The following TOX variants were observed in gnomAD, a reference collection of about 807,000 sequenced individuals.
The protein encoded by TOX is thymocyte selection-associated high mobility group box protein TOX.
A neutral mutation model predicts 53.7 loss-of-function variants in TOX; 11 were observed. That is an observed-to-expected ratio of 0.20 (90% CI 0.13 to 0.34). The LOEUF is 0.34. TOX is among the 10% of genes least tolerant of loss of function. TOX has a pLI of 1.00. For missense variants in TOX, 570 were observed against 664.6 expected, an observed-to-expected ratio of 0.86 and a Z score of 1.56; for synonymous variants, 225 against 245.3, an observed-to-expected ratio of 0.92 and a Z score of 0.77.
At chr8:59,062,069 G>T (rs1803995688) in intron 1 of TOX, among the ~76,000 whole-genome samples, 2 of 152,124 alleles carry the variant, frequency 1.3e-5, no homozygotes, top group Admixed American at 1.3e-4. Context: ...TCTAACCCCA[G>T]AAAATTCTGC....
intron 3 of TOX, among the ~76,000 whole-genome samples, chr8:58,935,843 G>T (rs1014659858): frequency 1.3e-5 from 2 of 152,176 alleles, no homozygotes; most frequent in African/African-American, 4.8e-5. Flanking sequence ...TTCTTTCAAA[G>T]AAACTAATTC....
At chr8:59,031,542 G>A (rs1814356615) in intron 1 of TOX, among the ~76,000 whole-genome samples, 1 of 152,158 alleles carries the variant, frequency 6.6e-6, no homozygotes, top group African/African-American at 2.4e-5. Flanking sequence ...AAATTCTAGT[G>A]GGGAGAGGCA....
intron 1 of TOX, among the ~76,000 whole-genome samples, chr8:58,990,434 T>C (rs1813420673): frequency 6.6e-6 from 1 of 151,578 alleles, no homozygotes; most frequent in African/African-American, 2.4e-5. Context: ...TATTTATTTA[T>C]TTTTTATTAT....
At chr8:58,894,263 G>T (rs911159602) in intron 3 of TOX, among the ~76,000 whole-genome samples, 1 of 152,166 alleles carries the variant, frequency 6.6e-6, no homozygotes, top group African/African-American at 2.4e-5. Flanking sequence ...ATCTGTGCAG[G>T]TACTGCACAA....
chr8:59,082,549 A>G (rs1207784115), intron 1 of TOX, among the ~76,000 whole-genome samples: 1 of 152,242 alleles, frequency 6.6e-6, no homozygotes, highest in Non-Finnish European at 1.5e-5. Flanking sequence ...CATCAAAAAC[A>G]TATTTACGAA....
At chr8:59,096,305 T>C (rs889139423) in intron 1 of TOX, among the ~76,000 whole-genome samples, 1 of 152,238 alleles carries the variant, frequency 6.6e-6, no homozygotes, top group Non-Finnish European at 1.5e-5. Flanking sequence ...ATCCTTATTA[T>C]GCAGAGAATC....
chr8:59,053,995 C>G (rs1803840491), intron 1 of TOX, among the ~76,000 whole-genome samples: 1 of 152,030 alleles, frequency 6.6e-6, no homozygotes, highest in African/African-American at 2.4e-5. Context: ...TTAATTTTAA[C>G]TATATTGGAA....
chr8:58,863,235 C>T (rs902289849), intron 3 of TOX, among the ~76,000 whole-genome samples: 9 of 152,166 alleles, frequency 5.9e-5, no homozygotes, highest in African/African-American at 1.2e-4. Flanking sequence ...CTCAGCACAA[C>T]TGATTTGAAC....
intron 3 of TOX, among the ~76,000 whole-genome samples, chr8:58,934,789 T>C (rs955756076): frequency 6.6e-6 from 1 of 152,224 alleles, no homozygotes; most frequent in Non-Finnish European, 1.5e-5. Flanking sequence ...CTCATTTTAT[T>C]TAACCAACAC....
At chr8:59,055,530 C>T (rs1349159037) in intron 1 of TOX, among the ~76,000 whole-genome samples, 2 of 152,062 alleles carry the variant, frequency 1.3e-5, no homozygotes, top group African/African-American at 4.8e-5. Flanking sequence ...TATATTTGAT[C>T]TTAAATGGAC....
intron 1 of TOX, among the ~76,000 whole-genome samples, chr8:59,034,900 G>A (rs80282742): frequency 2.0e-5 from 3 of 152,162 alleles, no homozygotes; most frequent in African/African-American, 2.4e-5. Context: ...TTTTATAAGT[G>A]AGCAAATTGA....
chr8:58,942,053 CAAAA>C (rs35861451), intron 2 of TOX, among the ~76,000 whole-genome samples: 2 of 106,360 alleles, frequency 1.9e-5, no homozygotes, highest in African/African-American at 3.5e-5. Flanking sequence ...GACTCTGTCT[CAAAA>C]AAAAAAAAAA....
intron 3 of TOX, among the ~76,000 whole-genome samples, chr8:58,894,740 A>T (rs1214263203): frequency 6.6e-6 from 1 of 152,004 alleles, no homozygotes; most frequent in Non-Finnish European, 1.5e-5. Flanking sequence ...CTAAAAATAT[A>T]AAAAAATTAG....
chr8:58,980,664 C>T (rs1005518034), intron 1 of TOX, among the ~76,000 whole-genome samples: 2 of 152,130 alleles, frequency 1.3e-5, no homozygotes, highest in Admixed American at 1.3e-4. Context: ...AGAAAAAAAC[C>T]AAGGCAATGT....
At chr8:58,837,950 G>C (rs1191856195) in intron 5 of TOX, 131 bp downstream of exon 5, 1 of 747,956 alleles carries the variant, frequency 1.3e-6, no homozygotes, top group Non-Finnish European at 2.2e-6. Flanking sequence ...AGAAAGTCTG[G>C]TTCGGATGGG....
intron 1 of TOX, among the ~76,000 whole-genome samples, chr8:59,019,341 T>C (rs989265237): frequency 1.3e-5 from 2 of 152,164 alleles, no homozygotes; most frequent in African/African-American, 2.4e-5. Context: ...AGCCAGATTA[T>C]TAGCAAATAA....
chr8:59,090,508 C>T (rs538062507), intron 1 of TOX, among the ~76,000 whole-genome samples: 4 of 152,214 alleles, frequency 2.6e-5, no homozygotes, highest in African/African-American at 9.6e-5. Flanking sequence ...TTATTGGCAC[C>T]TGATATTATT....
chr8:59,001,024 T>C (rs1397739144), intron 1 of TOX, among the ~76,000 whole-genome samples: 1 of 152,168 alleles, frequency 6.6e-6, no homozygotes, highest in East Asian at 1.9e-4. Flanking sequence ...ATAAAAGAAT[T>C]ATGATAGCAA....
intron 1 of TOX, among the ~76,000 whole-genome samples, chr8:59,093,492 T>A (rs1235180061): frequency 1.3e-5 from 2 of 152,236 alleles, no homozygotes; most frequent in Admixed American, 6.5e-5. Flanking sequence ...GAAAAGCTTT[T>A]GAACCAAGTC....
Sources: allele counts gnomAD v4.1 joint callset (sites outside exome capture counted in the v4.1 genomes callset), GRCh38; gene constraint gnomAD v4.1.1; transcripts MANE v1.5; gene names NCBI Gene and HGNC (gene_info 2026-07-23, HGNC 2026-07-21).